Variants in TRPC4 observed in about 807,000 individuals in gnomAD.
The protein encoded by TRPC4 is transient receptor potential cation channel subfamily C member 4, also known as short transient receptor potential channel 4.
TRPC4 carries 49 observed loss-of-function variants against 99.4 expected under a neutral mutation model. That is an observed-to-expected ratio of 0.49 (90% confidence interval 0.39 to 0.63). The LOEUF (loss-of-function observed/expected upper bound fraction) is 0.63. Ranked by LOEUF, TRPC4 falls within the 20% of genes least tolerant of loss-of-function variation. TRPC4 has a pLI of 0.00. For missense variants in TRPC4, 898 were observed against 1,152.9 expected (o/e 0.78, Z 3.20); for synonymous variants, 454 against 425.9 (o/e 1.07, Z -0.81).
intron 3 of TRPC4, among the ~76,000 whole-genome samples, chr13:37,698,138 C>T (rs1180179881): frequency 8.2e-6 from 1 of 121,978 alleles, no homozygotes; most frequent in Non-Finnish European, 1.6e-5. Context: ...CATTTTTGCC[C>T]AGTTCTCAAG....
chr13:37,774,792 G>T (rs1452984543), intron 2 of TRPC4, among the ~76,000 whole-genome samples: 2 of 151,498 alleles, frequency 1.3e-5, no homozygotes, highest in African/African-American at 2.4e-5. Context: ...CTGTAATCAG[G>T]GAATAAGTGA....
At chr13:37,785,529 A>C (rs4386013) in intron 1 of TRPC4, among the ~76,000 whole-genome samples, 78,682 of 151,434 alleles carry the variant, frequency 0.52, 20,927 homozygotes, top group East Asian at 0.78. Flanking sequence ...CCTACCAATA[A>C]TATTTTTAGC....
chr13:37,828,904 C>G (rs181295682), intron 1 of TRPC4, among the ~76,000 whole-genome samples: 2 of 152,274 alleles, frequency 1.3e-5, no homozygotes, highest in Admixed American at 6.5e-5. Flanking sequence ...ACCTGTACAT[C>G]AGACTCACAC....
intron 3 of TRPC4, among the ~76,000 whole-genome samples, chr13:37,692,846 T>G (rs1438860265): frequency 6.6e-6 from 1 of 152,212 alleles, no homozygotes; most frequent in Non-Finnish European, 1.5e-5. Context: ...CTTTTCTTTA[T>G]GAGGTACAAG....
chr13:37,706,625 C>T (rs983708014), intron 3 of TRPC4, among the ~76,000 whole-genome samples: 3 of 151,356 alleles, frequency 2.0e-5, no homozygotes, highest in African/African-American at 7.3e-5. Flanking sequence ...CTACCCCTCC[C>T]CCCTACCCCC....
rs1958079673 is a variant in TRPC4 at position 37,823,357 on chromosome 13, C to T, written c.-27-39997G>A. Among the ~76,000 whole-genome samples, 5 of 150,772 alleles carry T rather than the reference C, an allele frequency of 3.3e-5. No homozygotes were observed. The South Asian group carries it at 1.1e-3, about 32-fold the overall frequency. ...ATGAAGTCCTTGCCCATGCCTATGT[C>T]CTGAATGGTAATGCCTAGGTTTTCT... On this transcript the variant is annotated intron_variant, in intron 1 of 10. Transcript: ENST00000379705.
At chr13:37,789,817 TCTTTA>T (rs1340386502) in intron 1 of TRPC4, among the ~76,000 whole-genome samples, 1 of 152,102 alleles carries the variant, frequency 6.6e-6, no homozygotes, top group Non-Finnish European at 1.5e-5. Context: ...ATGTTTCTCA[TCTTTA>T]CTTCCTAAAA....
intron 8 of TRPC4, among the ~76,000 whole-genome samples, chr13:37,646,681 T>TA (rs1375295279): frequency 1.3e-5 from 2 of 152,200 alleles, no homozygotes; most frequent in African/African-American, 2.4e-5. Context: ...AAATGCTTGT[T>TA]AAAATGGAGA....
intron 2 of TRPC4, among the ~76,000 whole-genome samples, chr13:37,746,954 C>T (rs1041227486): frequency 6.6e-6 from 1 of 152,096 alleles, no homozygotes; most frequent in Non-Finnish European, 1.5e-5. Flanking sequence ...CTTCTGCTTT[C>T]CTATCATTCA....
chr13:37,696,933 T>TA (rs202065781), intron 3 of TRPC4, among the ~76,000 whole-genome samples: 20 of 148,730 alleles, frequency 1.3e-4, no homozygotes, highest in South Asian at 8.5e-4. Context: ...TTTTTTTTTT[T>TA]AAATCTTTTA....
chr13:37,761,842 C>G (rs981189034), intron 2 of TRPC4, among the ~76,000 whole-genome samples: 1 of 151,820 alleles, frequency 6.6e-6, no homozygotes, highest in Admixed American at 6.6e-5. Flanking sequence ...CAATAATTTC[C>G]TGGCGGGCCG....
At chr13:37,800,006 T>C (rs1957362930) in intron 1 of TRPC4, among the ~76,000 whole-genome samples, 1 of 152,176 alleles carries the variant, frequency 6.6e-6, no homozygotes, top group Non-Finnish European at 1.5e-5. Flanking sequence ...TGCGATATAA[T>C]ATCTACAAAG....
At chr13:37,725,297 G>A (rs1955015764) in intron 3 of TRPC4, among the ~76,000 whole-genome samples, 1 of 151,980 alleles carries the variant, frequency 6.6e-6, no homozygotes, top group African/African-American at 2.4e-5. Flanking sequence ...GAAGAAGAGA[G>A]AAAGAGGCAG....
intron 1 of TRPC4, among the ~76,000 whole-genome samples, chr13:37,846,135 G>A (rs1182315869): frequency 6.6e-6 from 1 of 152,076 alleles, no homozygotes; most frequent in African/African-American, 2.4e-5. Flanking sequence ...CAAAAGCTAA[G>A]AGCATACATC....
At chr13:37,717,268 T>C (rs1954709703) in intron 3 of TRPC4, among the ~76,000 whole-genome samples, 1 of 152,246 alleles carries the variant, frequency 6.6e-6, no homozygotes, top group Non-Finnish European at 1.5e-5. Context: ...TATCAGAAAA[T>C]AGTTTTAGAA....
chr13:37,685,039 C>CT (rs1337589345), intron 4 of TRPC4, among the ~76,000 whole-genome samples: 1 of 151,960 alleles, frequency 6.6e-6, no homozygotes, highest in Non-Finnish European at 1.5e-5. Context: ...AGTGATGATA[C>CT]TGGTGGTGAT....
intron 3 of TRPC4, among the ~76,000 whole-genome samples, chr13:37,713,861 A>G (rs950428548): frequency 2.6e-5 from 4 of 152,182 alleles, no homozygotes; most frequent in Non-Finnish European, 5.9e-5. Context: ...GGTCATACAC[A>G]TAGTGACCAA....
intron 3 of TRPC4, among the ~76,000 whole-genome samples, chr13:37,712,522 T>G (rs376311980): frequency 1.4e-4 from 21 of 152,310 alleles, no homozygotes; most frequent in African/African-American, 4.8e-4. Flanking sequence ...GTTCCTATCT[T>G]GAAAAGTAGA....
At chr13:37,847,139 C>T (rs1027458194) in intron 1 of TRPC4, among the ~76,000 whole-genome samples, 1 of 151,916 alleles carries the variant, frequency 6.6e-6, no homozygotes, top group Non-Finnish European at 1.5e-5. Context: ...AGCATCTAGA[C>T]AGAAAATAAA....
Sources: allele counts gnomAD v4.1 joint callset (sites outside exome capture counted in the v4.1 genomes callset), GRCh38; gene constraint gnomAD v4.1.1; transcripts MANE v1.5; gene names NCBI Gene and HGNC (gene_info 2026-07-23, HGNC 2026-07-21).